The following SHLD2 variants were observed in gnomAD, a reference collection of about 807,000 sequenced individuals.
SHLD2 encodes the protein shieldin complex subunit 2.
In SHLD2, 30 loss-of-function variants were observed where a neutral mutation model predicts 73.2. The ratio of observed to expected loss-of-function variants is 0.41; its 90% CI spans 0.31 to 0.56. The LOEUF (loss-of-function observed/expected upper bound fraction) is 0.56. Ranked by LOEUF, SHLD2 falls within the 20% of genes least tolerant of loss-of-function variation. The probability of loss-of-function intolerance (pLI) is 0.28; values close to 1 mark genes in which losing one functional copy is unlikely to be tolerated. For missense variants in SHLD2, 745 were observed against 1,055.9 expected (o/e 0.71, Z 4.08); for synonymous variants, 285 against 370.1 (o/e 0.77, Z 2.64).
In SHLD2 at chr10:87,151,802, G is replaced by C. The variant is rs566910680; in HGVS notation, c.448G>C (p.Glu150Gln). The stretch of plus-strand genomic sequence containing the variant: ...TCTCAGTGAAAATAAAATTAGAGAT[G>C]AACAGCCTAAACATCAGCCAGATAT... ...KLLSENKIRD[E>Q]QPKHQPDICG... The change falls in exon 3 of 10, where the codon GAA becomes CAA. Residue 150 changes from glutamate (E) to glutamine (Q), a missense_variant. Glu to Gln is a conservative substitution (Grantham distance 29). Coordinates refer to ENST00000298786, the MANE Select transcript of SHLD2 (RefSeq NM_001330112.2). The C allele has an allele frequency of 2.1e-5, 34 of 1,611,866 alleles. No individual in the cohort carries two copies. In the African/African-American group the frequency reaches 4.1e-4, roughly 20 times the overall value.
At chr10:87,185,055 A>G (rs1391258479) in intron 8 of SHLD2, among the ~76,000 whole-genome samples, 3 of 152,160 alleles carry the variant, frequency 2.0e-5, no homozygotes, top group Non-Finnish European at 4.4e-5. Flanking sequence ...ACAAAGCCTC[A>G]TACTCATTAG....
chr10:87,154,703 A>G (rs1846273070), intron 3 of SHLD2, among the ~76,000 whole-genome samples: 4 of 152,136 alleles, frequency 2.6e-5, no homozygotes, highest in Non-Finnish European at 5.9e-5. Flanking sequence ...CACCGAACAC[A>G]TCTAACATTG....
intron 2 of SHLD2, among the ~76,000 whole-genome samples, chr10:87,141,852 G>A (rs977016772): frequency 3.3e-5 from 5 of 152,036 alleles, no homozygotes; most frequent in South Asian, 2.1e-4. Context: ...CCAACATGGC[G>A]AAACCCCGTC....
At chr10:87,116,907 C>A (rs1386189152) in intron 2 of SHLD2, among the ~76,000 whole-genome samples, 1 of 152,014 alleles carries the variant, frequency 6.6e-6, no homozygotes. Flanking sequence ...AAGTGGTGGG[C>A]CATTGAGTCT....
upstream of SHLD2, chr10:87,094,872 A>C (rs1158422087): frequency 1.2e-6 from 1 of 857,604 alleles, no homozygotes; most frequent in East Asian, 3.6e-5. The surrounding 1 kb of genome is among the most constrained non-coding windows in gnomAD (Gnocchi z 6.6). Context: ...TGCCCTTTTA[A>C]GCCGCAGCTT....
chr10:87,112,019 C>T (rs1250202373), intron 2 of SHLD2, among the ~76,000 whole-genome samples: 6 of 151,522 alleles, frequency 4.0e-5, no homozygotes, highest in Admixed American at 2.0e-4. Flanking sequence ...GGGCGGATCA[C>T]GAGGTCAGGA....
chr10:87,147,810 C>G (rs1359421824), intron 2 of SHLD2, among the ~76,000 whole-genome samples: 6 of 151,982 alleles, frequency 3.9e-5, no homozygotes, highest in African/African-American at 1.4e-4. Context: ...TGAACTGCCC[C>G]AGGCTTCTCT....
At chr10:87,162,848 T>TA (rs1235893001) in intron 4 of SHLD2, among the ~76,000 whole-genome samples, 16 of 152,284 alleles carry the variant, frequency 1.1e-4, no homozygotes, top group South Asian at 4.1e-4. Flanking sequence ...AACTGTGAGG[T>TA]AATGTGCCCT....
chr10:87,100,923 G>A (rs1199385207), intron 2 of SHLD2, among the ~76,000 whole-genome samples: 4 of 152,012 alleles, frequency 2.6e-5, no homozygotes, highest in African/African-American at 9.7e-5. Flanking sequence ...ATTTTGATAG[G>A]GATTATGTTG....
chr10:87,166,950 AGTGTGTGTGT>A (rs10602407), intron 4 of SHLD2, among the ~76,000 whole-genome samples: 8 of 126,164 alleles, frequency 6.3e-5, no homozygotes, highest in Admixed American at 1.6e-4. Context: ...CATTTTGGAA[AGTGTGTGTGT>A]GTGTGTGTGT....
intron 2 of SHLD2, among the ~76,000 whole-genome samples, chr10:87,129,153 C>T (rs543732122): frequency 2.6e-5 from 4 of 152,126 alleles, no homozygotes; most frequent in South Asian, 2.1e-4. Flanking sequence ...TGCAGTGGTG[C>T]GATCTCGGTT....
intron 2 of SHLD2, among the ~76,000 whole-genome samples, chr10:87,140,596 A>G (rs556852137): frequency 0.037 from 5,613 of 151,904 alleles, 188 homozygotes; most frequent in Non-Finnish European, 0.063. Flanking sequence ...AAATTTTCCA[A>G]ATCTGATGAT....
At chr10:87,148,573 T>C (rs1365150452) in intron 2 of SHLD2, among the ~76,000 whole-genome samples, 3 of 139,380 alleles carry the variant, frequency 2.2e-5, no homozygotes, top group Non-Finnish European at 4.6e-5. Flanking sequence ...GGGCGGGGGT[T>C]GGTTTTATTT....
chr10:87,094,687 GC>G, upstream of SHLD2: 1 of 1,503,508 alleles, frequency 6.7e-7, no homozygotes, highest in Non-Finnish European at 8.9e-7. The surrounding 1 kb of genome is among the most constrained non-coding windows in gnomAD (Gnocchi z 6.6). Flanking sequence ...GCCCAGCAAC[GC>G]GGCCGAGTCG....
At position 87,122,660 on chromosome 10, in the gene SHLD2, T is replaced by C. The variant is rs1843709853; in HGVS notation, c.-6+25671T>C. On this transcript the variant is annotated intron_variant, in intron 2 of 9. Coordinates refer to ENST00000298786, the MANE Select transcript of SHLD2 (RefSeq NM_001330112.2). Reference sequence around the variant, plus strand: ...GCTGGTGCTAAGAGTGTTATGAGAATTCCTAATAAATAGAAAAGCTCAAGG... The same window carrying C: ...GCTGGTGCTAAGAGTGTTATGAGAACTCCTAATAAATAGAAAAGCTCAAGG... 2.0e-5 allele frequency among the ~76,000 whole-genome samples: 3 copies of C among 152,356 alleles called. No homozygotes were observed. In the East Asian group the frequency reaches 5.8e-4, roughly 29 times the overall value.
chr10:87,184,697 C>T (rs947891261), intron 8 of SHLD2, among the ~76,000 whole-genome samples: 1 of 152,076 alleles, frequency 6.6e-6, no homozygotes, highest in Non-Finnish European at 1.5e-5. Flanking sequence ...AGCCACGTGG[C>T]CTTCTTTCAG....
At chr10:87,180,507 A>C (rs1263137302) in intron 8 of SHLD2, among the ~76,000 whole-genome samples, 3 of 152,156 alleles carry the variant, frequency 2.0e-5, no homozygotes, top group Non-Finnish European at 4.4e-5. Context: ...GAATTTCTTA[A>C]AGCAGTAATT....
chr10:87,165,570 A>C (rs910847902), intron 4 of SHLD2, among the ~76,000 whole-genome samples: 1 of 152,158 alleles, frequency 6.6e-6, no homozygotes, highest in African/African-American at 2.4e-5. Context: ...CCCAAAGGGA[A>C]GGACGTTCTA....
chr10:87,121,132 T>A (rs1438809218), intron 2 of SHLD2, among the ~76,000 whole-genome samples: 4 of 152,142 alleles, frequency 2.6e-5, no homozygotes, highest in Non-Finnish European at 4.4e-5. Context: ...AATTTTAATT[T>A]TTTATTTTTT....
Sources: gnomAD v4.1 joint callset for allele counts (sites outside exome capture counted in the v4.1 genomes callset) on GRCh38, gnomAD v4.1.1 for gene constraint, Gnocchi (gnomAD v3.1) non-coding constraint, MANE v1.5 for transcripts, NCBI Gene and HGNC (gene_info 2026-07-23, HGNC 2026-07-21) for gene names.